MYH10: variants seen among roughly 807,000 people sequenced by gnomAD.
MYH10 encodes myosin heavy chain 10.
Under a neutral mutation model 257.8 loss-of-function variants are expected in MYH10, and 55 were observed. That is an observed-to-expected ratio of 0.21 (90% CI 0.17 to 0.27). The LOEUF is 0.27. Among genes scored for constraint, MYH10 ranks in the 10% least tolerant of loss-of-function variants. The probability of loss-of-function intolerance (pLI) is 1.00; values close to 1 mark genes in which losing one functional copy is unlikely to be tolerated. For missense variants in MYH10, 1,631 were observed against 2,500.6 expected (o/e 0.65, Z 7.42); for synonymous variants, 854 against 921.7 (o/e 0.93, Z 1.33).
At position 8,518,667 on chromosome 17, in the gene MYH10, A is replaced by G; in HGVS notation, c.2468T>C (p.Phe823Ser). 1 of 1,613,832 alleles carries G rather than the reference A, an allele frequency of 6.2e-7. No homozygotes were observed. The change falls in exon 21 of 43, where the codon TTC (phenylalanine) becomes TCC (serine). Residue 823 changes from phenylalanine (F) to serine (S), a missense_variant. Transcript: ENST00000360416. ...RDLKITDIII[F>S]FQAVCRGYLA... ...GTAACCTCTGCAAACGGCCTGGAAG[A>G]AGATAATGATATCGGTGATTTTTAA...
rs184655036 is a variant in MYH10 at position 8,565,998 on chromosome 17, T to G, written c.756+3722A>C. On this transcript the variant is annotated intron_variant, in intron 7 of 42. Coordinates refer to ENST00000360416, the MANE Select transcript of MYH10 (RefSeq NM_001256012.3). ...CAGGGTTTCTCGATCTTAGCATAAC[T>G]GGTATTTTGGGCTCAATAATTCTAA... Among the ~76,000 whole-genome samples, 885 of 152,290 alleles carry G rather than the reference T, an allele frequency of 5.8e-3. 11 individuals are homozygous for G. The highest frequency in any genetic ancestry group is 0.02 in the African/African-American group (819 of 41,550).
chr17:8,489,740 C>CACACACACACACACACAT (rs1212691485), intron 35 of MYH10, among the ~76,000 whole-genome samples: 1 of 146,708 alleles, frequency 6.8e-6, no homozygotes, highest in East Asian at 2.0e-4. Context: ...CACACACACA[C>CACACACACACACACACAT]ACACACCCCA....
At chr17:8,597,781 A>ATT (rs5819202) in intron 3 of MYH10, among the ~76,000 whole-genome samples, 95 of 147,836 alleles carry the variant, frequency 6.4e-4, no homozygotes, top group Non-Finnish European at 7.6e-4. Flanking sequence ...GGCCCGGCTA[A>ATT]TTTTTTTTTT....
chr17:8,548,638 A>G lies in MYH10; in HGVS notation c.1063+6T>C, dbSNP rs559760710. ...AGTACCAGAATCTTAGAGAAATCACACATACACAGAATCTCTTCATGGGAG... is the reference window on the plus strand; with the variant it reads ...AGTACCAGAATCTTAGAGAAATCACGCATACACAGAATCTCTTCATGGGAG... On this transcript the variant is annotated splice_donor_region_variant and intron_variant, in intron 10 of 42. Transcript: ENST00000360416. 6.2e-7 allele frequency: 1 copy of G among 1,613,910 alleles called. No individual in the cohort carries two copies. Among genetic ancestry groups the G allele is most frequent in the East Asian group, 2.2e-5 (1 of 44,858 alleles).
chr17:8,501,068 A>G (rs1467218019), intron 28 of MYH10, 98 bp from the exon 29 acceptor site: 1 of 1,263,192 alleles, frequency 7.9e-7, no homozygotes, highest in Non-Finnish European at 1.1e-6. Context: ...TAAATATTAC[A>G]TAAATTCCCT....
chr17:8,476,811 C>T (rs1912718468), intron 42 of MYH10, 65 bp downstream of exon 42: 1 of 1,530,550 alleles, frequency 6.5e-7, no homozygotes, highest in Admixed American at 1.8e-5. Context: ...TGACCAGCTG[C>T]ACCCCGAGCC....
chr17:8,589,038 C>A (rs755481723), intron 4 of MYH10, 43 bp downstream of exon 4: 1 of 1,604,180 alleles, frequency 6.2e-7, no homozygotes, highest in African/African-American at 1.3e-5. Flanking sequence ...CTCCACTTTC[C>A]AAGAAAATCA....
rs375516152 is a variant in MYH10, at chr17:8,572,242, G to T, written c.664-2430C>A. ...TCTTTTCCTCTCTGTGTGTGTGTGT[G>T]TGTGTGTGTGTGTGTGAGTGAGAGA... On this transcript the variant is annotated intron_variant, in intron 6 of 42. Coordinates refer to ENST00000360416, the MANE Select transcript of MYH10 (RefSeq NM_001256012.3). Among the ~76,000 whole-genome samples, 64 of 86,706 alleles carry T rather than the reference G, an allele frequency of 7.4e-4. 1 individual carries two copies. The highest frequency in any genetic ancestry group is 1.2e-3 in the African/African-American group (29 of 23,922). 56.9% of individuals were successfully genotyped at this position (86,706 alleles called of 152,430 possible). A position where few individuals can be genotyped will look rare whatever the true frequency, so the allele number is the denominator to read the frequency against.
chr17:8,475,935 T>C lies in MYH10; in HGVS notation c.5893A>G (p.Ile1965Val). 1 of 1,613,690 alleles carries C rather than the reference T, an allele frequency of 6.2e-7. No individual in the cohort carries two copies. Among genetic ancestry groups the C allele is most frequent in the Non-Finnish European group, 8.5e-7 (1 of 1,179,960 alleles). ...LKNRLRRGGP[I>V]SFSSSRSGRR... is the part of the protein sequence containing the mutation. ...CCAGATCGGCTGGAAGAGAAGCTGATGGGGCCACCCCGCCTGGAGAACACA... is the reference window on the plus strand; with the variant it reads ...CCAGATCGGCTGGAAGAGAAGCTGACGGGGCCACCCCGCCTGGAGAACACA... Residue 1965 changes from isoleucine to valine, a missense_variant, in exon 43 of 43, where the codon ATC becomes GTC. Coordinates refer to ENST00000360416, the MANE Select transcript of MYH10 (RefSeq NM_001256012.3).
At chr17:8,585,503 A>G (rs2083886843) in intron 4 of MYH10, among the ~76,000 whole-genome samples, 2 of 151,954 alleles carry the variant, frequency 1.3e-5, no homozygotes, top group South Asian at 4.2e-4. Flanking sequence ...GGAGTACTGT[A>G]TTTGGTGGAT....
intron 21 of MYH10, 99 bp downstream of exon 21, chr17:8,518,532 A>C: frequency 7.7e-7 from 1 of 1,292,690 alleles, no homozygotes; most frequent in Non-Finnish European, 1.1e-6. Flanking sequence ...GTAAGGACAG[A>C]CTATGTCTCA....
At chr17:8,571,507 G>A (rs1429167743) in intron 6 of MYH10, among the ~76,000 whole-genome samples, 1 of 152,150 alleles carries the variant, frequency 6.6e-6, no homozygotes, top group Admixed American at 6.5e-5. Flanking sequence ...CAGGGGCCAG[G>A]CGCGGTGGCT....
rs1296462854 is a variant in MYH10 at position 8,490,485 on chromosome 17, T to C, written c.4739A>G (p.Glu1580Gly). 5 of 1,614,094 alleles carry C rather than the reference T, an allele frequency of 3.1e-6. No homozygotes were observed. The highest frequency in any genetic ancestry group is 4.5e-5 in the East Asian group (2 of 44,900). Residue 1580 changes from glutamate (E) to glycine (G), a missense_variant, in exon 35 of 43, where the codon GAG becomes GGG. Around this residue, in one of 11 missense-constraint regions of MYH10, gnomAD observed 463 missense variants for 621.8 expected, o/e 0.74. Transcript: ENST00000360416. This position sits in a 1 kb window ranked among gnomAD's most constrained non-coding sequence, Gnocchi z 4.1. ...GGCCTGGAGTTCGTCTTCCAGCTCC[T>C]CCAGCTGGGTCCTCATTTCCTCCAC... ...QQVEEMRTQL[E>G]ELEDELQATE...
At chr17:8,572,715 C>T (rs554845493) in intron 6 of MYH10, among the ~76,000 whole-genome samples, 63 of 152,068 alleles carry the variant, frequency 4.1e-4, no homozygotes, top group Non-Finnish European at 7.8e-4. Context: ...GGCACTCCTC[C>T]GTCCCTGTTG....
At chr17:8,578,243 CTT>C (rs5819199) in intron 4 of MYH10, among the ~76,000 whole-genome samples, 3 of 129,208 alleles carry the variant, frequency 2.3e-5, no homozygotes, top group African/African-American at 2.9e-5. Flanking sequence ...TTCTTTCTTT[CTT>C]TTTTTTTTTT....
chr17:8,509,778 C>T, intron 25 of MYH10, 34 bp downstream of exon 25: 1 of 1,570,030 alleles, frequency 6.4e-7, no homozygotes, highest in Non-Finnish European at 8.6e-7. Context: ...TTTTCTGTAA[C>T]TAAAATCAGC....
chr17:8,553,673 G>C (rs1049699462), intron 8 of MYH10, among the ~76,000 whole-genome samples: 4 of 152,260 alleles, frequency 2.6e-5, no homozygotes, highest in South Asian at 2.1e-4. Context: ...ACAGCAATAG[G>C]GGGAGGGCAA....
At chr17:8,493,710 G>A (rs374029146) in intron 32 of MYH10, 23 bp downstream of exon 32, 125 of 1,599,054 alleles carry the variant, frequency 7.8e-5, no homozygotes, top group East Asian at 3.8e-4. Context: ...AGGCCACCGC[G>A]GCCTCCTAAA....
intron 39 of MYH10, 40 bp downstream of exon 39, chr17:8,480,362 G>C (rs1179554640): frequency 6.2e-7 from 1 of 1,612,808 alleles, no homozygotes; most frequent in Non-Finnish European, 8.5e-7. Context: ...CTGAGGGGTG[G>C]CACAGCCCTC....
Sources: gnomAD v4.1 joint callset for allele counts (sites outside exome capture counted in the v4.1 genomes callset) on GRCh38, gnomAD v4.1.1 for gene constraint, gnomAD v4.1.1 regional missense constraint, Gnocchi (gnomAD v3.1) non-coding constraint, MANE v1.5 for transcripts, NCBI Gene and HGNC (gene_info 2026-07-23, HGNC 2026-07-21) for gene names.